Variants in HYDIN observed in about 807,000 individuals in gnomAD.
The protein encoded by HYDIN is axonemal central pair apparatus protein HYDIN.
Under a neutral mutation model 403.9 loss-of-function variants are expected in HYDIN, and 132 were observed. That is an observed-to-expected ratio of 0.33 (90% CI 0.28 to 0.38). HYDIN has a LOEUF of 0.38. Among genes scored for constraint, HYDIN ranks in the 10% least tolerant of loss-of-function variants. HYDIN has a pLI of 1.00. For synonymous variants in HYDIN, 1,202 were observed against 1,891.7 expected (o/e 0.64, Z 9.46); for missense variants, 2,827 against 5,009.5 (o/e 0.56, Z 13.15).
At chr16:70,932,309 C>T (rs1218592131) in intron 45 of HYDIN, among the ~76,000 whole-genome samples, 4 of 152,084 alleles carry the variant, frequency 2.6e-5, no homozygotes, top group Non-Finnish European at 5.9e-5. Context: ...GAGCCGAGAT[C>T]GAGCCACTGC....
chr16:70,897,781 G>A (rs1457325263), intron 53 of HYDIN, among the ~76,000 whole-genome samples: 1 of 152,182 alleles, frequency 6.6e-6, no homozygotes, highest in Admixed American at 6.5e-5. Flanking sequence ...TTCACTTTGC[G>A]GGGCTCTACG....
chr16:71,058,613 T>A lies in HYDIN; in HGVS notation c.2529+1891A>T, dbSNP rs374409062. Among the ~76,000 whole-genome samples, 642 of 100,836 alleles carry A rather than the reference T, an allele frequency of 6.4e-3. 13 individuals carry two copies. The highest frequency in any genetic ancestry group is 0.036 in the East Asian group (152 of 4,222). 66.2% of individuals were successfully genotyped at this position (100,836 alleles called of 152,430 possible). A position where few individuals can be genotyped will look rare whatever the true frequency, so the allele number is the denominator to read the frequency against. On this transcript the variant is annotated intron_variant, in intron 18 of 85. Coordinates refer to ENST00000393567, the MANE Select transcript of HYDIN (RefSeq NM_001270974.2). ...TATAATAAAAAAATAAATAAATAAA[T>A]AAAATTAAAAAAAAAAAAAAAAGAA...
intron 18 of HYDIN, among the ~76,000 whole-genome samples, chr16:71,039,066 A>G (rs1597614702): frequency 1.3e-5 from 2 of 152,148 alleles, no homozygotes; most frequent in Admixed American, 6.5e-5. Flanking sequence ...AATGGTGTAG[A>G]GCTTTACACG....
At position 70,896,015 on chromosome 16, in the gene HYDIN, T is replaced by C; in HGVS notation, c.9114A>G (p.Ala3038=). 6.2e-7 allele frequency: 1 copy of C among 1,612,430 alleles called. No homozygotes were observed. Among genetic ancestry groups the C allele is most frequent in the Non-Finnish European group, 8.5e-7 (1 of 1,179,674 alleles). Residue 3038 remains alanine, a synonymous_variant, in exon 54 of 86, where the codon GCA becomes GCG. Coordinates refer to ENST00000393567, the MANE Select transcript of HYDIN (RefSeq NM_001270974.2). ...QIENIMVFAE[A]YDIALDITFP... is the part of the protein sequence containing the mutation. ...AGGTGATGTCCAAGGCGATGTCGTA[T>C]GCCTCTGCAAAGACCATGATATTTT...
intron 36 of HYDIN, among the ~76,000 whole-genome samples, chr16:70,967,897 T>A (rs923681208): frequency 6.6e-6 from 1 of 152,236 alleles, no homozygotes; most frequent in East Asian, 1.9e-4. Flanking sequence ...AATGTATATT[T>A]TATAAGATAA....
intron 1 of HYDIN, among the ~76,000 whole-genome samples, chr16:71,195,912 T>C (rs1288524267): frequency 6.6e-6 from 1 of 152,194 alleles, no homozygotes; most frequent in Non-Finnish European, 1.5e-5. Flanking sequence ...ACTGGAAACT[T>C]GTTCAAACTG....
In HYDIN at chr16:70,908,696, G is replaced by T. The variant is rs570215297; in HGVS notation, c.8170C>A (p.Leu2724Met). 11 of 1,608,954 alleles carry T rather than the reference G, an allele frequency of 6.8e-6. No homozygotes were observed. The African/African-American group carries it at 1.1e-4, about 16-fold the overall frequency. ...GAGTGCTGCCCGTTGAAGTTGTCCAGGTCTGTATCTGACAGCTGGGAAATG... is the reference window on the plus strand; with the variant it reads ...GAGTGCTGCCCGTTGAAGTTGTCCATGTCTGTATCTGACAGCTGGGAAATG... Reference protein sequence around the residue: ...GTISQLSDTDLDNFNGQHSQE... With the variant: ...GTISQLSDTDMDNFNGQHSQE... Residue 2724 changes from leucine to methionine, a missense_variant, in exon 48 of 86, where the codon CTG (leucine) becomes ATG (methionine). Coordinates refer to ENST00000393567, the MANE Select transcript of HYDIN (RefSeq NM_001270974.2).
At chr16:71,117,933 G>C (rs1194618202) in intron 9 of HYDIN, among the ~76,000 whole-genome samples, 2 of 151,746 alleles carry the variant, frequency 1.3e-5, no homozygotes, top group African/African-American at 2.4e-5. Flanking sequence ...AGGGGGAGCA[G>C]AGAGGGCTGT....
intron 64 of HYDIN, among the ~76,000 whole-genome samples, chr16:70,872,828 A>G (rs1009890913): frequency 2.0e-5 from 3 of 148,518 alleles, no homozygotes; most frequent in Non-Finnish European, 4.5e-5. Flanking sequence ...CCATCCATCC[A>G]TATATCCATC....
intron 65 of HYDIN, among the ~76,000 whole-genome samples, chr16:70,870,922 T>C (rs996887901): frequency 7.9e-5 from 12 of 151,468 alleles, no homozygotes; most frequent in African/African-American, 2.9e-4. Context: ...TCCCAGCTAC[T>C]TGGGGGGCTG....
chr16:70,895,991 G>C lies in HYDIN; in HGVS notation c.9138C>G (p.Thr3046=), dbSNP rs368515676. 1.6e-5 allele frequency: 26 copies of C among 1,608,082 alleles called. No homozygotes were observed. The highest frequency in any genetic ancestry group is 2.2e-5 in the Non-Finnish European group (26 of 1,177,882). ...AEAYDIALDI[T]FPKGAEGGLD... is the part of the protein sequence containing the mutation. ...AAGGGCCCAACAGACCTTTGGGGAA[G>C]GTGATGTCCAAGGCGATGTCGTATG... is the stretch of plus-strand genomic sequence containing the variant. Residue 3046 remains threonine (T), a synonymous_variant, in exon 54 of 86, where the codon ACC becomes ACG. Coordinates refer to ENST00000393567, the MANE Select transcript of HYDIN (RefSeq NM_001270974.2).
intron 16 of HYDIN, among the ~76,000 whole-genome samples, chr16:71,064,500 G>A (rs1015159365): frequency 6.6e-6 from 1 of 152,136 alleles, no homozygotes; most frequent in African/African-American, 2.4e-5. Flanking sequence ...AATTAACAAC[G>A]ATTTACACCT....
At chr16:71,204,943 A>G (rs2088215008) in intron 1 of HYDIN, among the ~76,000 whole-genome samples, 1 of 152,234 alleles carries the variant, frequency 6.6e-6, no homozygotes. Flanking sequence ...TGAAAAAAAA[A>G]TTAATCTCCT....
At chr16:71,182,219 C>T (rs1398133658) in intron 3 of HYDIN, among the ~76,000 whole-genome samples, 4 of 152,002 alleles carry the variant, frequency 2.6e-5, no homozygotes, top group African/African-American at 9.7e-5. Flanking sequence ...GAGGTTTTGG[C>T]ACTGAGTTTA....
In HYDIN at chr16:71,027,677, G is replaced by C; in HGVS notation, c.2967C>G (p.Leu989=). The C allele has an allele frequency of 6.2e-7, 1 of 1,604,214 alleles. No individual in the cohort carries two copies. ...PRDPQSPVFH[L]HPASMELYPG... is the part of the protein sequence containing the mutation. ...GGTACAGCTCCATGCTGGCGGGGTG[G>C]AGATGAAACACGGGGCTCTGTGGAT... Residue 989 remains leucine, a synonymous_variant, in exon 20 of 86, where the codon CTC becomes CTG. Coordinates refer to ENST00000393567, the MANE Select transcript of HYDIN (RefSeq NM_001270974.2).
In HYDIN at chr16:70,806,358, GC is replaced by G. The variant is rs1004887969; in HGVS notation, c.*1221del. The stretch of plus-strand genomic sequence containing the variant: ...TGTGTTTACAGACATTCTAGAAAAA[GC>G]TTTTTTGGTCCTAGAGTATACTGGG... On this transcript the variant is annotated 3_prime_UTR_variant, in exon 86 of 86. Transcript: ENST00000393567. Among the ~76,000 whole-genome samples, 8 of 152,074 alleles carry G rather than the reference GC, an allele frequency of 5.3e-5. No individual in the cohort carries two copies. Among genetic ancestry groups the G allele is most frequent in the African/African-American group, 1.9e-4 (8 of 41,376 alleles).
chr16:71,021,901 G>A (rs2080508849), intron 21 of HYDIN, among the ~76,000 whole-genome samples: 1 of 152,148 alleles, frequency 6.6e-6, no homozygotes, highest in African/African-American at 2.4e-5. Flanking sequence ...CAGGTGACCA[G>A]TGTCCCTTGG....
chr16:71,012,710 AG>A (rs2080129050), intron 23 of HYDIN, among the ~76,000 whole-genome samples: 1 of 152,226 alleles, frequency 6.6e-6, no homozygotes, highest in Non-Finnish European at 1.5e-5. Context: ...ACTAACTGTA[AG>A]GCTTAGAAGA....
At chr16:71,215,645 A>C (rs886774540) in intron 1 of HYDIN, among the ~76,000 whole-genome samples, 5 of 152,150 alleles carry the variant, frequency 3.3e-5, no homozygotes, top group Non-Finnish European at 7.4e-5. Context: ...AGGCAAGAGG[A>C]TCACTTGAGC....
Sources: allele counts gnomAD v4.1 joint callset (sites outside exome capture counted in the v4.1 genomes callset), GRCh38; gene constraint gnomAD v4.1.1; transcripts MANE v1.5; gene names NCBI Gene and HGNC (gene_info 2026-07-23, HGNC 2026-07-21).